The following LDB2 variants were observed in gnomAD, a reference collection of about 807,000 sequenced individuals.
The protein encoded by LDB2 is LIM domain binding 2.
Under a neutral mutation model 44.3 loss-of-function variants are expected in LDB2, and 12 were observed. The ratio of observed to expected loss-of-function variants is 0.27; its 90% CI spans 0.17 to 0.44. The LOEUF (loss-of-function observed/expected upper bound fraction) is 0.44. Ranked by LOEUF, LDB2 falls within the 20% of genes least tolerant of loss-of-function variation. The probability of loss-of-function intolerance (pLI) is 1.00; values close to 1 mark genes in which losing one functional copy is unlikely to be tolerated. For missense variants in LDB2, 344 were observed against 473.5 expected, an observed-to-expected ratio of 0.73 and a Z score of 2.54; for synonymous variants, 164 against 174.8, an observed-to-expected ratio of 0.94 and a Z score of 0.49.
chr4:16,753,809 A>C (rs1278811068), intron 2 of LDB2, among the ~76,000 whole-genome samples: 2 of 152,192 alleles, frequency 1.3e-5, no homozygotes, highest in African/African-American at 4.8e-5. Flanking sequence ...AATAGTAGTT[A>C]AAGGTTAATG....
chr4:16,595,870 C>G lies in LDB2; in HGVS notation c.241G>C (p.Gly81Arg). The G allele has an allele frequency of 3.7e-6, 6 of 1,612,700 alleles. No homozygotes were observed. Among genetic ancestry groups the G allele is most frequent in the Non-Finnish European group, 5.1e-6 (6 of 1,179,312 alleles). Residue 81 changes from glycine to arginine, a missense_variant, in exon 3 of 8, where the codon GGC becomes CGC. By Grantham distance (125) the Gly-to-Arg change is moderately radical. This residue lies in a region of LDB2 where 226 missense variants were observed against 270.1 expected (regional missense o/e 0.84). Coordinates refer to ENST00000304523, the MANE Select transcript of LDB2 (RefSeq NM_001290.5). ...AAGTAACGGGGGATGAGGGTCCTGC[C>G]GATAGCTGGGAGAGAAACACAGAGA... is the stretch of plus-strand genomic sequence containing the variant. The part of the protein sequence containing the change: ...LEDGPKRYTI[G>R]RTLIPRYFST...
At chr4:16,524,825 G>T (rs1167957875) in intron 5 of LDB2, among the ~76,000 whole-genome samples, 1 of 152,202 alleles carries the variant, frequency 6.6e-6, no homozygotes, top group African/African-American at 2.4e-5. Flanking sequence ...AACAATGGCT[G>T]CTTGGAGACT....
chr4:16,662,448 C>A (rs150244114), intron 2 of LDB2, among the ~76,000 whole-genome samples: 1 of 152,136 alleles, frequency 6.6e-6, no homozygotes, highest in African/African-American at 2.4e-5. Context: ...CAGTGCCTTG[C>A]AAAATTAATA....
chr4:16,501,717 C>G lies in LDB2; in HGVS notation c.*926G>C, dbSNP rs1717575507. 1 of 152,434 alleles carries G rather than the reference C, an allele frequency of 6.6e-6. No homozygotes were observed. The allele number at this position is 152,434 out of a possible 1,614,324, so 9.4% of individuals were successfully genotyped here. A position where few individuals can be genotyped will look rare whatever the true frequency, so the allele number is the denominator to read the frequency against. On this transcript the variant is annotated 3_prime_UTR_variant, in exon 8 of 8. Coordinates refer to ENST00000304523, the MANE Select transcript of LDB2 (RefSeq NM_001290.5). The stretch of plus-strand genomic sequence containing the variant: ...TTCACATAAATACACTGGAGTTGCC[C>G]AAAAACGAAAAGTCCCCATAAAAGA...
intron 2 of LDB2, among the ~76,000 whole-genome samples, chr4:16,691,040 T>C (rs1425507246): frequency 6.6e-6 from 1 of 152,138 alleles, no homozygotes; most frequent in Non-Finnish European, 1.5e-5. Flanking sequence ...TGTTCTTTAA[T>C]GATATCTAAG....
chr4:16,602,346 C>T lies in LDB2; in HGVS notation c.236-6471G>A, dbSNP rs139950571. ...TGCGAAGATCTGGAATTAAAGAGGT[C>T]CAGGCCCAAGAACCACAGGGGCAAA... On this transcript the variant is annotated intron_variant, in intron 2 of 7. Transcript: ENST00000304523. Among the ~76,000 whole-genome samples the T allele has an allele frequency of 7.7e-3, 1,178 of 152,214 alleles. 58 individuals carry two copies. The highest frequency in any genetic ancestry group is 0.063 in the Admixed American group (957 of 15,280).
At chr4:16,590,243 T>C (rs185345260) in intron 3 of LDB2, among the ~76,000 whole-genome samples, 10 of 152,274 alleles carry the variant, frequency 6.6e-5, no homozygotes, top group Admixed American at 6.5e-4. Flanking sequence ...TTTTACTGCA[T>C]TGGGCTTCCG....
chr4:16,673,819 G>A (rs1305255416), intron 2 of LDB2, among the ~76,000 whole-genome samples: 1 of 152,184 alleles, frequency 6.6e-6, no homozygotes, highest in Non-Finnish European at 1.5e-5. Context: ...CTACATGCCA[G>A]GGTTGGGAAA....
At chr4:16,574,531 T>C (rs1747673350) in intron 5 of LDB2, among the ~76,000 whole-genome samples, 1 of 152,208 alleles carries the variant, frequency 6.6e-6, no homozygotes, top group South Asian at 2.1e-4. Context: ...AGTAGTAATT[T>C]ACAGTTTAGG....
At chr4:16,673,449 G>C (rs1391796738) in intron 2 of LDB2, among the ~76,000 whole-genome samples, 1 of 152,196 alleles carries the variant, frequency 6.6e-6, no homozygotes, top group Non-Finnish European at 1.5e-5. Context: ...TGTCGCTTTT[G>C]AAACGGGTCA....
chr4:16,780,873 T>C (rs1035501934), intron 1 of LDB2, among the ~76,000 whole-genome samples: 1 of 152,142 alleles, frequency 6.6e-6, no homozygotes, highest in Non-Finnish European at 1.5e-5. Context: ...TCTTGGAAGG[T>C]TAAGCAATTT....
At chr4:16,590,252 C>T (rs1051272367) in intron 3 of LDB2, among the ~76,000 whole-genome samples, 4 of 151,972 alleles carry the variant, frequency 2.6e-5, no homozygotes, top group Non-Finnish European at 5.9e-5. Context: ...ATTGGGCTTC[C>T]GATCAAGCTT....
At chr4:16,639,469 T>A (rs1403549521) in intron 2 of LDB2, among the ~76,000 whole-genome samples, 1 of 152,194 alleles carries the variant, frequency 6.6e-6, no homozygotes, top group Non-Finnish European at 1.5e-5. Context: ...GAATTATTAT[T>A]ATTATTATTG....
intron 2 of LDB2, among the ~76,000 whole-genome samples, chr4:16,723,764 C>A (rs770953032): frequency 2.6e-5 from 4 of 152,074 alleles, no homozygotes; most frequent in Non-Finnish European, 4.4e-5. Flanking sequence ...TCCTTCAGAT[C>A]CACATGACTC....
chr4:16,862,119 G>A (rs927396271), intron 1 of LDB2, among the ~76,000 whole-genome samples: 1 of 152,150 alleles, frequency 6.6e-6, no homozygotes, highest in Non-Finnish European at 1.5e-5. Flanking sequence ...CCTGTTCCAA[G>A]GAGATTATTT....
In LDB2 at chr4:16,744,404, A is replaced by T. The variant is rs916721578; in HGVS notation, c.235+14754T>A. Among the ~76,000 whole-genome samples, 5 of 151,762 alleles carry T rather than the reference A, an allele frequency of 3.3e-5. No individual in the cohort carries two copies. The South Asian group carries it at 1.0e-3, about 32-fold the overall frequency. ...ACTCCTGACCTCAAGTGATCCACTC[A>T]TCTCTGCCTCCCAAAGTTCTGGGAT... On this transcript the variant is annotated intron_variant, in intron 2 of 7. Coordinates refer to ENST00000304523, the MANE Select transcript of LDB2 (RefSeq NM_001290.5).
intron 2 of LDB2, among the ~76,000 whole-genome samples, chr4:16,627,889 G>A (rs1365010181): frequency 6.6e-6 from 1 of 152,196 alleles, no homozygotes; most frequent in Non-Finnish European, 1.5e-5. Context: ...TGACTTGTGA[G>A]GACTGGCCTG....
chr4:16,879,153 A>G (rs1354792028), intron 1 of LDB2, among the ~76,000 whole-genome samples: 1 of 152,214 alleles, frequency 6.6e-6, no homozygotes, highest in Non-Finnish European at 1.5e-5. Context: ...GGGAATGAAT[A>G]AGATGTTAAT....
chr4:16,538,494 C>T (rs546008429), intron 5 of LDB2, among the ~76,000 whole-genome samples: 3 of 144,756 alleles, frequency 2.1e-5, no homozygotes, highest in African/African-American at 7.5e-5. Context: ...GTTCTTAAGA[C>T]GTTTCTACAG....
Sources: gnomAD v4.1 joint callset for allele counts (sites outside exome capture counted in the v4.1 genomes callset) on GRCh38, gnomAD v4.1.1 for gene constraint, gnomAD v4.1.1 regional missense constraint, MANE v1.5 for transcripts, NCBI Gene and HGNC (gene_info 2026-07-23, HGNC 2026-07-21) for gene names.